The following ST18 variants were observed in gnomAD, a reference collection of about 807,000 sequenced individuals.
The protein encoded by ST18 is suppression of tumorigenicity 18 protein.
ST18 carries 50 observed loss-of-function variants against 110.0 expected under a neutral mutation model. The observed-to-expected ratio is 0.45, with a 90% CI of 0.36 to 0.58. ST18 has a LOEUF of 0.58. ST18 is among the 20% of genes least tolerant of loss of function. The pLI is 0.00. For synonymous variants in ST18, 461 were observed against 452.4 expected (o/e 1.02, Z -0.24); for missense variants, 1,306 against 1,280.1 (o/e 1.02, Z -0.31).
At chr8:52,350,400 A>C (rs1230799375) in intron 2 of ST18, among the ~76,000 whole-genome samples, 1 of 152,114 alleles carries the variant, frequency 6.6e-6, no homozygotes, top group Non-Finnish European at 1.5e-5. Flanking sequence ...ACAAATATGC[A>C]AGGTCTGATT....
intron 2 of ST18, among the ~76,000 whole-genome samples, chr8:52,398,756 T>C (rs1048332855): frequency 1.3e-5 from 2 of 152,144 alleles, no homozygotes; most frequent in African/African-American, 4.8e-5. Context: ...CATTGATTTG[T>C]GTATGTTAAA....
intron 9 of ST18, among the ~76,000 whole-genome samples, chr8:52,173,425 G>C (rs2065710907): frequency 6.6e-6 from 1 of 152,200 alleles, no homozygotes; most frequent in African/African-American, 2.4e-5. Context: ...CCCAGTGCCT[G>C]TCTGTCCAGG....
intron 8 of ST18, among the ~76,000 whole-genome samples, chr8:52,187,533 A>G (rs2072804668): frequency 6.6e-6 from 1 of 152,230 alleles, no homozygotes; most frequent in Non-Finnish European, 1.5e-5. Context: ...CCAAATTAAC[A>G]GTCTTACTTT....
intron 2 of ST18, among the ~76,000 whole-genome samples, chr8:52,339,677 G>A (rs144050258): frequency 1.2e-4 from 19 of 152,334 alleles, no homozygotes; most frequent in African/African-American, 4.1e-4. Flanking sequence ...CCGCACCATC[G>A]CTTCACCCTC....
At position 52,136,445 on chromosome 8, in the gene ST18, G is replaced by A. The variant is rs187638269; in HGVS notation, c.2300+145C>T. Reference sequence around the variant, plus strand: ...GTGATTTTGTTTCAGTCATCCCAGCGCTTTAGTCAGAAAGTGCCTTTGCTG... The same window carrying A: ...GTGATTTTGTTTCAGTCATCCCAGCACTTTAGTCAGAAAGTGCCTTTGCTG... On this transcript the variant is annotated intron_variant, in intron 19 of 25. Transcript: ENST00000689386. 276 of 718,354 alleles carry A rather than the reference G, an allele frequency of 3.8e-4. 1 individual carries two copies. The highest frequency in any genetic ancestry group is 2.9e-3 in the African/African-American group (161 of 54,676). 44.5% of individuals were successfully genotyped at this position (718,354 alleles called of 1,614,324 possible). A position where few individuals can be genotyped will look rare whatever the true frequency, so the allele number is the denominator to read the frequency against.
intron 7 of ST18, among the ~76,000 whole-genome samples, chr8:52,212,936 G>A (rs564161557): frequency 2.0e-5 from 3 of 152,170 alleles, no homozygotes; most frequent in Admixed American, 6.5e-5. Flanking sequence ...TCAAATAATC[G>A]AAATACACAC....
intron 2 of ST18, among the ~76,000 whole-genome samples, chr8:52,287,210 C>T (rs527910656): frequency 6.6e-6 from 1 of 152,112 alleles, no homozygotes; most frequent in Non-Finnish European, 1.5e-5. Flanking sequence ...TGATGGTCAT[C>T]CCCAAATTTC....
intron 2 of ST18, among the ~76,000 whole-genome samples, chr8:52,263,398 A>G (rs368797281): frequency 6.6e-6 from 1 of 152,180 alleles, no homozygotes; most frequent in East Asian, 1.9e-4. Flanking sequence ...GCAAGTGCTT[A>G]CCCAGACCTG....
intron 2 of ST18, among the ~76,000 whole-genome samples, chr8:52,302,916 G>A (rs2139567447): frequency 6.6e-6 from 1 of 152,198 alleles, no homozygotes; most frequent in African/African-American, 2.4e-5. Flanking sequence ...AATTAAATAA[G>A]CCAAGAAGCA....
At chr8:52,360,584 C>A (rs746652949) in intron 2 of ST18, among the ~76,000 whole-genome samples, 21 of 152,122 alleles carry the variant, frequency 1.4e-4, no homozygotes, top group Non-Finnish European at 2.6e-4. Flanking sequence ...GAAAAAAGAT[C>A]TAGGAAATCC....
chr8:52,205,401 G>T (rs1226494972), intron 8 of ST18, among the ~76,000 whole-genome samples: 1 of 151,784 alleles, frequency 6.6e-6, no homozygotes, highest in Non-Finnish European at 1.5e-5. Context: ...GTCATCACTT[G>T]GGAGATGGCA....
At chr8:52,148,877 G>C (rs1205781724) in intron 16 of ST18, among the ~76,000 whole-genome samples, 1 of 152,136 alleles carries the variant, frequency 6.6e-6, no homozygotes, top group African/African-American at 2.4e-5. Context: ...AGCTGTAAAA[G>C]GCGCTGCACA....
At chr8:52,236,478 C>T (rs775328971) in intron 2 of ST18, among the ~76,000 whole-genome samples, 3 of 151,904 alleles carry the variant, frequency 2.0e-5, no homozygotes, top group Non-Finnish European at 4.4e-5. Context: ...GGCATGGTGG[C>T]GGGTGCCTGT....
intron 8 of ST18, among the ~76,000 whole-genome samples, chr8:52,196,932 C>G (rs988560739): frequency 2.0e-5 from 3 of 152,162 alleles, no homozygotes; most frequent in Non-Finnish European, 4.4e-5. Context: ...GGAACCCTTG[C>G]ATACATACTT....
chr8:52,156,451 A>G (rs1158282364), intron 15 of ST18, among the ~76,000 whole-genome samples: 3 of 152,232 alleles, frequency 2.0e-5, no homozygotes, highest in Non-Finnish European at 4.4e-5. Flanking sequence ...GAAGAATCAA[A>G]TAATAGCAGA....
In ST18 at chr8:52,137,721, A is replaced by G. The variant is rs1212846881; in HGVS notation, c.2169-238T>C. On this transcript the variant is annotated intron_variant, in intron 17 of 25. Coordinates refer to ENST00000689386, the MANE Select transcript of ST18 (RefSeq NM_001352837.2). ...CCTTAGGTACCTGTTTCAACATCAC[A>G]TTCGATTATTTGATTCCATTGATGT... is the stretch of plus-strand genomic sequence containing the variant. 5 of 455,176 alleles carry G rather than the reference A, an allele frequency of 1.1e-5. No homozygotes were observed. The East Asian group carries it at 1.8e-4, about 16-fold the overall frequency. The allele number at this position is 455,176 out of a possible 1,614,324, so 28.2% of individuals were successfully genotyped here. A position where few individuals can be genotyped will look rare whatever the true frequency, so the allele number is the denominator to read the frequency against.
At chr8:52,275,290 C>T (rs1054225449) in intron 2 of ST18, among the ~76,000 whole-genome samples, 20 of 152,270 alleles carry the variant, frequency 1.3e-4, no homozygotes, top group African/African-American at 4.6e-4. Context: ...ACAACACTGT[C>T]TTCTACTATC....
chr8:52,141,048 C>T (rs2054814797), intron 17 of ST18, among the ~76,000 whole-genome samples: 1 of 152,144 alleles, frequency 6.6e-6, no homozygotes, highest in Non-Finnish European at 1.5e-5. Flanking sequence ...AGTGTTCAAG[C>T]CGATTTAAGT....
At chr8:52,389,137 G>A (rs1838289750) in intron 2 of ST18, among the ~76,000 whole-genome samples, 2 of 152,138 alleles carry the variant, frequency 1.3e-5, no homozygotes, top group Non-Finnish European at 2.9e-5. Context: ...CGCTGCCCGG[G>A]GCTTGGCTGT....
Sources: allele counts gnomAD v4.1 joint callset (sites outside exome capture counted in the v4.1 genomes callset), GRCh38; gene constraint gnomAD v4.1.1; transcripts MANE v1.5; gene names NCBI Gene and HGNC (gene_info 2026-07-23, HGNC 2026-07-21).